The following TENM2 variants were observed in gnomAD, a reference collection of about 807,000 sequenced individuals.
TENM2 encodes teneurin-2.
TENM2 carries 52 observed loss-of-function variants against 245.2 expected under a neutral mutation model. That is an observed-to-expected ratio of 0.21 (90% confidence interval 0.17 to 0.27). The LOEUF (loss-of-function observed/expected upper bound fraction) is 0.27, where lower values mean the gene tolerates loss of function less well. Ranked by LOEUF, TENM2 falls within the 10% of genes least tolerant of loss-of-function variation. The pLI is 1.00. For missense variants in TENM2, 3,046 were observed against 3,666.8 expected, an observed-to-expected ratio of 0.83 and a Z score of 4.37; for synonymous variants, 1,363 against 1,438.9, an observed-to-expected ratio of 0.95 and a Z score of 1.19.
intron 2 of TENM2, among the ~76,000 whole-genome samples, chr5:167,805,231 A>T (rs57674698): frequency 0.11 from 15,949 of 151,104 alleles, 1,406 homozygotes; most frequent in East Asian, 0.41. Context: ...CCTTCCATTC[A>T]ATTGTTTCAT....
At chr5:167,914,782 C>T (rs566937924) in intron 3 of TENM2, among the ~76,000 whole-genome samples, 74 of 152,208 alleles carry the variant, frequency 4.9e-4, no homozygotes, top group Non-Finnish European at 9.0e-4. Context: ...TGTTCCCTGG[C>T]CTACAGCTGC....
At chr5:167,166,893 G>A in the TENM2 span, among the ~76,000 whole-genome samples, 1 of 152,144 alleles carries the variant, frequency 6.6e-6, no homozygotes, top group Non-Finnish European at 1.5e-5. Context: ...TACCTTGGGT[G>A]GTCCTCATAG....
At chr5:167,572,036 G>C (rs1413335129) in intron 2 of TENM2, among the ~76,000 whole-genome samples, 1 of 152,154 alleles carries the variant, frequency 6.6e-6, no homozygotes, top group Non-Finnish European at 1.5e-5. Context: ...GCTGCCTTCT[G>C]TTCAGCCCCT....
intron 2 of TENM2, among the ~76,000 whole-genome samples, chr5:167,548,363 G>A (rs1017533322): frequency 4.6e-5 from 7 of 152,046 alleles, no homozygotes; most frequent in African/African-American, 1.7e-4. Context: ...TACTGCTCTC[G>A]TGAGAAGGAA....
At position 167,369,451 on chromosome 5, in the gene TENM2, A is replaced by ATGT. The variant is rs141279644; in HGVS notation, c.227-5746_227-5745insGTT. ...TATTCTGTGACCTTTTTGATGAACT[A>ATGT]TTTTTTTTTTGCATAATTTTTCTTG... On this transcript the variant is annotated intron_variant, in intron 1 of 28. Transcript: ENST00000518659. Among the ~76,000 whole-genome samples the ATGT allele has an allele frequency of 1.1e-4, 17 of 150,282 alleles. 1 individual carries two copies. Among genetic ancestry groups the ATGT allele is most frequent in the African/African-American group, 4.2e-4 (17 of 40,956 alleles).
intron 2 of TENM2, among the ~76,000 whole-genome samples, chr5:167,466,387 C>A (rs1000929989): frequency 2.0e-4 from 30 of 152,252 alleles, no homozygotes; most frequent in Non-Finnish European, 3.2e-4. Flanking sequence ...CCTCATAGTC[C>A]TACAATGTCT....
chr5:167,821,949 G>A (rs1767565082), intron 2 of TENM2, among the ~76,000 whole-genome samples: 2 of 152,070 alleles, frequency 1.3e-5, no homozygotes, highest in Admixed American at 6.6e-5. Context: ...AATTAGTGCT[G>A]TGGTTTTGTC....
At chr5:167,177,231 T>C in the TENM2 span, among the ~76,000 whole-genome samples, 1 of 152,108 alleles carries the variant, frequency 6.6e-6, no homozygotes, top group Non-Finnish European at 1.5e-5. Flanking sequence ...ACTTAATGGC[T>C]AGTAGTTATG....
chr5:167,565,952 T>G (rs1773880729), intron 2 of TENM2, among the ~76,000 whole-genome samples: 1 of 152,172 alleles, frequency 6.6e-6, no homozygotes, highest in Non-Finnish European at 1.5e-5. Context: ...TGTTTGTTGT[T>G]GTTGTTTAAG....
chr5:168,211,704 T>C lies in TENM2; in HGVS notation c.3825-30T>C. On this transcript the variant is annotated intron_variant, in intron 19 of 28. Coordinates refer to ENST00000518659, the Ensembl canonical transcript of TENM2. The stretch of plus-strand genomic sequence containing the variant: ...CAATTCTTCTGCTAACTGTTTGTTC[T>C]TTTTTCCTTTCTGTTTTCTTTCTAT... 2 of 1,272,158 alleles carry C rather than the reference T, an allele frequency of 1.6e-6. 1 individual carries two copies. Among genetic ancestry groups the C allele is most frequent in the South Asian group, 2.8e-5 (2 of 72,246 alleles). The allele number at this position is 1,272,158 out of a possible 1,614,324, so 78.8% of individuals were successfully genotyped here. A position where few individuals can be genotyped will look rare whatever the true frequency, so the allele number is the denominator to read the frequency against.
chr5:167,497,296 T>TAA lies in TENM2; in HGVS notation c.502+121825_502+121826dup, dbSNP rs934997339. ...TCCAATATAGAGCAACTTTTCAGAA[T>TAA]AAAGAAACAGAACAGGAAAGCTAGC... is the stretch of plus-strand genomic sequence containing the variant. On this transcript the variant is annotated intron_variant, in intron 2 of 28. Transcript: ENST00000518659. Among the ~76,000 whole-genome samples, 40 of 152,188 alleles carry TAA rather than the reference T, an allele frequency of 2.6e-4. No homozygotes were observed. The East Asian group carries it at 3.3e-3, about 13-fold the overall frequency.
chr5:167,867,376 C>G (rs59387540), intron 2 of TENM2, among the ~76,000 whole-genome samples: 24 of 152,264 alleles, frequency 1.6e-4, no homozygotes, highest in Non-Finnish European at 2.6e-4. Flanking sequence ...GATATAGAAA[C>G]GACACCCAAA....
At chr5:167,555,482 GTTA>G (rs1773209921) in intron 2 of TENM2, among the ~76,000 whole-genome samples, 2 of 152,096 alleles carry the variant, frequency 1.3e-5, no homozygotes, top group African/African-American at 2.4e-5. Context: ...TCACTTGTAA[GTTA>G]TTGTCTTCTC....
chr5:167,190,077 A>G, the TENM2 span, among the ~76,000 whole-genome samples: 1 of 151,894 alleles, frequency 6.6e-6, no homozygotes, highest in Non-Finnish European at 1.5e-5. Context: ...GCATGATGGG[A>G]TGTCTTTGTT....
intron 1 of TENM2, among the ~76,000 whole-genome samples, chr5:167,314,213 G>A (rs918699921): frequency 2.0e-5 from 3 of 151,966 alleles, no homozygotes; most frequent in Non-Finnish European, 2.9e-5. Flanking sequence ...AGAATTGAAT[G>A]TTTGTTCTTC....
chr5:167,906,675 A>G (rs187797836), intron 3 of TENM2, among the ~76,000 whole-genome samples: 2 of 152,270 alleles, frequency 1.3e-5, no homozygotes, highest in African/African-American at 4.8e-5. Context: ...ACACAACTCC[A>G]GGGAGCGCCA....
At chr5:167,730,422 T>C (rs1461160881) in intron 2 of TENM2, among the ~76,000 whole-genome samples, 1 of 152,228 alleles carries the variant, frequency 6.6e-6, no homozygotes, top group Non-Finnish European at 1.5e-5. Context: ...CATTTGAGTT[T>C]ATCTGTAAAC....
At chr5:167,840,483 G>A (rs1583156286) in intron 2 of TENM2, among the ~76,000 whole-genome samples, 2 of 152,230 alleles carry the variant, frequency 1.3e-5, no homozygotes, top group Middle Eastern at 6.8e-3. Flanking sequence ...AAATGAACCC[G>A]ATGCAAACTG....
At chr5:167,705,089 G>T (rs776637628) in intron 2 of TENM2, among the ~76,000 whole-genome samples, 13 of 152,178 alleles carry the variant, frequency 8.5e-5, no homozygotes, top group Non-Finnish European at 1.9e-4. Flanking sequence ...ACCCCTTGCT[G>T]TGCTCTGCCT....
Sources: allele counts gnomAD v4.1 joint callset (sites outside exome capture counted in the v4.1 genomes callset), GRCh38; gene constraint gnomAD v4.1.1; transcripts MANE v1.5; gene names NCBI Gene and HGNC (gene_info 2026-07-23, HGNC 2026-07-21).